Variants in GRIN2B observed in about 807,000 individuals in gnomAD.
The protein encoded by GRIN2B is glutamate ionotropic receptor NMDA type subunit 2B, also known as glutamate receptor ionotropic, NMDA 2B.
GRIN2B carries 5 observed loss-of-function variants against 114.5 expected under a neutral mutation model. That is an observed-to-expected ratio of 0.04 (90% confidence interval 0.02 to 0.09). The LOEUF (loss-of-function observed/expected upper bound fraction) is 0.09. Ranked by LOEUF, GRIN2B falls within the 10% of genes least tolerant of loss-of-function variation. The probability of loss-of-function intolerance (pLI) is 1.00; values close to 1 mark genes in which losing one functional copy is unlikely to be tolerated. For synonymous variants in GRIN2B, 787 were observed against 745.1 expected (o/e 1.06, Z -0.92); for missense variants, 1,108 against 1,943.5 (o/e 0.57, Z 8.08).
intron 3 of GRIN2B, among the ~76,000 whole-genome samples, chr12:13,852,111 C>T (rs1010887500): frequency 7.2e-5 from 11 of 152,208 alleles, no homozygotes; most frequent in African/African-American, 2.4e-4. Flanking sequence ...TGGTGGCAGG[C>T]CATGAGGACT....
At chr12:13,835,771 TAAAAAAA>T (rs1165005583) in intron 3 of GRIN2B, among the ~76,000 whole-genome samples, 2 of 91,490 alleles carry the variant, frequency 2.2e-5, no homozygotes, top group African/African-American at 8.9e-5. Flanking sequence ...CATAGCACAT[TAAAAAAA>T]AAAAAAAAAA....
intron 11 of GRIN2B, among the ~76,000 whole-genome samples, chr12:13,570,511 C>T (rs1249068456): frequency 1.3e-5 from 2 of 151,952 alleles, no homozygotes; most frequent in Non-Finnish European, 2.9e-5. Flanking sequence ...TTGTGCAACA[C>T]AAGGATAGAG....
intron 3 of GRIN2B, among the ~76,000 whole-genome samples, chr12:13,786,233 G>A (rs893830970): frequency 6.6e-6 from 1 of 152,120 alleles, no homozygotes; most frequent in African/African-American, 2.4e-5. Flanking sequence ...GGGTCCCAAG[G>A]CTAGAGGGAG....
At chr12:13,600,527 G>A (rs894213643) in intron 10 of GRIN2B, among the ~76,000 whole-genome samples, 11 of 151,970 alleles carry the variant, frequency 7.2e-5, no homozygotes, top group South Asian at 4.1e-4. Context: ...GTACATTTCT[G>A]TGTAACAAGG....
intron 3 of GRIN2B, among the ~76,000 whole-genome samples, chr12:13,796,952 CTCTA>C (rs1266694600): frequency 6.6e-6 from 1 of 152,186 alleles, no homozygotes; most frequent in Middle Eastern, 3.2e-3. Flanking sequence ...ATTCCTCTAC[CTCTA>C]TCTATTTAGA....
chr12:13,859,766 A>G (rs1008287520), intron 3 of GRIN2B, among the ~76,000 whole-genome samples: 3 of 152,224 alleles, frequency 2.0e-5, no homozygotes, highest in Admixed American at 2.0e-4. Context: ...AAGAAGAAAT[A>G]CTACTACTTC....
chr12:13,946,506 G>A (rs562273303), intron 2 of GRIN2B, among the ~76,000 whole-genome samples: 133 of 151,930 alleles, frequency 8.8e-4, no homozygotes, highest in African/African-American at 2.9e-3. Flanking sequence ...TATACATGAT[G>A]CTTGAAAGTA....
intron 2 of GRIN2B, among the ~76,000 whole-genome samples, chr12:13,906,078 T>C (rs1866530414): frequency 6.6e-6 from 1 of 152,224 alleles, no homozygotes; most frequent in African/African-American, 2.4e-5. Flanking sequence ...CCAATACTTT[T>C]CTTGGATTTC....
At chr12:13,669,139 C>T (rs1359517987) in intron 5 of GRIN2B, among the ~76,000 whole-genome samples, 11 of 151,872 alleles carry the variant, frequency 7.2e-5, no homozygotes, top group Admixed American at 7.2e-4. Flanking sequence ...AAAGTCATCC[C>T]CTGGTGTTGT....
chr12:13,963,555 G>A (rs1436773695), intron 2 of GRIN2B, among the ~76,000 whole-genome samples: 1 of 152,150 alleles, frequency 6.6e-6, no homozygotes, highest in African/African-American at 2.4e-5. Context: ...TCAGTTCCAG[G>A]CGCTTTACAT....
chr12:13,938,045 A>G (rs1867159817), intron 2 of GRIN2B, among the ~76,000 whole-genome samples: 1 of 152,152 alleles, frequency 6.6e-6, no homozygotes, highest in African/African-American at 2.4e-5. Flanking sequence ...TAGAGCAACC[A>G]CTAAAAAGAT....
intron 10 of GRIN2B, among the ~76,000 whole-genome samples, chr12:13,575,903 TG>T (rs1476730158): frequency 3.9e-5 from 6 of 152,178 alleles, no homozygotes; most frequent in African/African-American, 1.4e-4. Flanking sequence ...ACTTAATACC[TG>T]GCACATGATG....
chr12:13,711,613 A>T (rs1950415009), intron 4 of GRIN2B, among the ~76,000 whole-genome samples: 1 of 151,792 alleles, frequency 6.6e-6, no homozygotes, highest in South Asian at 2.1e-4. Flanking sequence ...ATGCAGCCAA[A>T]AGACACATGA....
At chr12:13,602,538 C>A (rs1215940015) in intron 10 of GRIN2B, among the ~76,000 whole-genome samples, 1 of 152,196 alleles carries the variant, frequency 6.6e-6, no homozygotes. Flanking sequence ...CCCATTTCCT[C>A]ACACATGCTC....
chr12:13,600,812 G>A (rs1229408438), intron 10 of GRIN2B, among the ~76,000 whole-genome samples: 1 of 152,156 alleles, frequency 6.6e-6, no homozygotes, highest in Non-Finnish European at 1.5e-5. Flanking sequence ...CATAAGCAGT[G>A]TAGTACGTAT....
intron 3 of GRIN2B, among the ~76,000 whole-genome samples, chr12:13,836,102 G>T (rs1865259479): frequency 6.6e-6 from 1 of 152,202 alleles, no homozygotes; most frequent in African/African-American, 2.4e-5. Flanking sequence ...GACTGCATTT[G>T]TATGTAGTTA....
Position 13,653,023 on chromosome 12 carries a change from C to G in GRIN2B, c.1125+22722G>C, listed in dbSNP as rs899008883. ...ATGTTTTAGGAGGATCCATCTGACA[C>G]TGTGTGAAGGATAGATTAGAAAAGG... On this transcript the variant is annotated intron_variant, in intron 5 of 13. Coordinates refer to ENST00000609686, the MANE Select transcript of GRIN2B (RefSeq NM_000834.5). 5.9e-5 allele frequency among the ~76,000 whole-genome samples: 9 copies of G among 152,072 alleles called. No homozygotes were observed. The East Asian group carries it at 1.7e-3, about 29-fold the overall frequency.
intron 10 of GRIN2B, among the ~76,000 whole-genome samples, chr12:13,591,781 T>C (rs914628466): frequency 6.6e-6 from 1 of 152,118 alleles, no homozygotes; most frequent in Admixed American, 6.5e-5. Context: ...AATATATTTT[T>C]GGCTTTGGAC....
At chr12:13,758,953 G>A (rs940370057) in intron 3 of GRIN2B, among the ~76,000 whole-genome samples, 13 of 151,228 alleles carry the variant, frequency 8.6e-5, no homozygotes, top group African/African-American at 3.2e-4. Flanking sequence ...TTATTTACTG[G>A]GTGGGAGAGT....
Sources: gnomAD v4.1 joint callset for allele counts (sites outside exome capture counted in the v4.1 genomes callset) on GRCh38, gnomAD v4.1.1 for gene constraint, MANE v1.5 for transcripts, NCBI Gene and HGNC (gene_info 2026-07-23, HGNC 2026-07-21) for gene names.